The following POM121C variants were observed in gnomAD, a reference collection of about 807,000 sequenced individuals.
The protein encoded by POM121C is POM121 transmembrane nucleoporin C.
In POM121C, 20 loss-of-function variants were observed where a neutral mutation model predicts 66.4. The ratio of observed to expected loss-of-function variants is 0.30; its 90% CI spans 0.21 to 0.44. The LOEUF (loss-of-function observed/expected upper bound fraction) is 0.44, where lower values mean the gene tolerates loss of function less well. Among genes scored for constraint, POM121C ranks in the 20% least tolerant of loss-of-function variants. The probability of loss-of-function intolerance (pLI) is 1.00; values close to 1 mark genes in which losing one functional copy is unlikely to be tolerated. For missense variants in POM121C, 580 were observed against 1,225.7 expected, an observed-to-expected ratio of 0.47 and a Z score of 7.87; for synonymous variants, 286 against 528.0, an observed-to-expected ratio of 0.54 and a Z score of 6.28.
At chr7:75,432,465 C>T (rs1252453417) in intron 7 of POM121C, among the ~76,000 whole-genome samples, 10 of 152,136 alleles carry the variant, frequency 6.6e-5, no homozygotes, top group African/African-American at 2.4e-4. Context: ...CCAAAGAATG[C>T]ATACTCTATT....
At chr7:75,453,916 C>T (rs1350637867) in intron 3 of POM121C, among the ~76,000 whole-genome samples, 5 of 152,328 alleles carry the variant, frequency 3.3e-5, no homozygotes, top group South Asian at 4.1e-4. Flanking sequence ...TGTGGCCCCT[C>T]GCAGTCTCCC....
At chr7:75,448,312 C>A (rs1790898835) in intron 3 of POM121C, among the ~76,000 whole-genome samples, 1 of 151,532 alleles carries the variant, frequency 6.6e-6, no homozygotes, top group South Asian at 2.1e-4. Flanking sequence ...GTCCTTCAGG[C>A]AGAAGAAAAA....
In POM121C at chr7:75,463,718, G is replaced by C. The variant is rs1266035883; in HGVS notation, c.-152+10986C>G. ...GTCTGATTTCCTTTTTTGAGACGGA[G>C]TCTTAGCTCTGTCATCCAGACTGGA... On this transcript the variant is annotated intron_variant, in intron 3 of 14. Transcript: ENST00000615331. Among the ~76,000 whole-genome samples the C allele has an allele frequency of 3.5e-4, 54 of 152,188 alleles. 1 individual carries two copies. Among genetic ancestry groups the C allele is most frequent in the Admixed American group, 6.5e-4 (10 of 15,294 alleles).
intron 7 of POM121C, among the ~76,000 whole-genome samples, chr7:75,436,323 TAAA>T (rs1790407042): frequency 6.6e-6 from 1 of 152,124 alleles, no homozygotes; most frequent in African/African-American, 2.4e-5. Flanking sequence ...CAGTATAGGC[TAAA>T]AATGGACTTT....
chr7:75,418,749 T>G lies in POM121C; in HGVS notation c.*47A>C, dbSNP rs1236380918. ...AGGCTCTTTCTAGCACGTGCCAAGG[T>G]CCAGATTTAGGGAAGGGGTGGGGGG... On this transcript the variant is annotated 3_prime_UTR_variant, in exon 15 of 15. Coordinates refer to ENST00000615331, the MANE Select transcript of POM121C (RefSeq NM_001099415.3). 3.2e-6 allele frequency: 5 copies of G among 1,553,870 alleles called. No individual in the cohort carries two copies. In the South Asian group the frequency reaches 4.8e-5, roughly 15 times the overall value.
chr7:75,470,035 C>T (rs1286806211), intron 3 of POM121C, among the ~76,000 whole-genome samples: 2 of 152,012 alleles, frequency 1.3e-5, no homozygotes, highest in Non-Finnish European at 1.5e-5. Flanking sequence ...GGCACAATCT[C>T]GGCTCACTGC....
intron 7 of POM121C, among the ~76,000 whole-genome samples, chr7:75,428,417 T>C (rs56254422): frequency 0.013 from 2,049 of 152,260 alleles, 23 homozygotes; most frequent in Middle Eastern, 0.037. Flanking sequence ...GGATTACAGG[T>C]GTGAGCCACC....
chr7:75,472,735 G>C (rs1255447085), intron 3 of POM121C, among the ~76,000 whole-genome samples: 3 of 151,958 alleles, frequency 2.0e-5, no homozygotes, highest in Admixed American at 6.6e-5. Flanking sequence ...GAACCTGGGA[G>C]ACAGAGGCTG....
chr7:75,466,820 G>C (rs1398912218), intron 3 of POM121C, among the ~76,000 whole-genome samples: 1 of 150,898 alleles, frequency 6.6e-6, no homozygotes, highest in East Asian at 1.9e-4. Context: ...TATTAGCACA[G>C]ACCCTGCATG....
At chr7:75,479,259 C>T (rs2923682) in intron 1 of POM121C, among the ~76,000 whole-genome samples, 51 of 152,154 alleles carry the variant, frequency 3.4e-4, no homozygotes, top group East Asian at 9.6e-4. Context: ...TAGATTTACA[C>T]AAAGGAATGA....
intron 10 of POM121C, 142 bp downstream of exon 10, chr7:75,424,932 C>T: frequency 1.4e-6 from 2 of 1,474,996 alleles, no homozygotes; most frequent in Non-Finnish European, 1.8e-6. Flanking sequence ...TGAACTCCAG[C>T]CTGGGTGACA....
intron 7 of POM121C, among the ~76,000 whole-genome samples, chr7:75,427,711 T>C (rs1554471880): frequency 1.3e-5 from 2 of 152,174 alleles, no homozygotes; most frequent in Admixed American, 1.3e-4. Context: ...CCGTCTTTCC[T>C]ACTTGAAAAG....
At chr7:75,426,877 G>C (rs1331374495) in intron 7 of POM121C, among the ~76,000 whole-genome samples, 3 of 145,960 alleles carry the variant, frequency 2.1e-5, no homozygotes, top group African/African-American at 7.6e-5. Context: ...TGAAAAGAAA[G>C]TCAACTGCCA....
rs1300897072 is a variant in POM121C at position 75,482,841 on chromosome 7, G to T, written c.-458+3023C>A. Among the ~76,000 whole-genome samples, 17 of 152,248 alleles carry T rather than the reference G, an allele frequency of 1.1e-4. No individual in the cohort carries two copies. In the Middle Eastern group the frequency reaches 0.017, roughly 152 times the overall value. On this transcript the variant is annotated intron_variant, in intron 1 of 14. Coordinates refer to ENST00000615331, the MANE Select transcript of POM121C (RefSeq NM_001099415.3). ...TAACGGATGTCAAAGGCAGACAAAG[G>T]GTACTGTGAGGAAGGGGCTAGGAAA...
At position 75,468,357 on chromosome 7, in the gene POM121C, G is replaced by T. The variant is rs188184172; in HGVS notation, c.-152+6347C>A. Among the ~76,000 whole-genome samples, 338 of 120,866 alleles carry T rather than the reference G, an allele frequency of 2.8e-3. 2 individuals carry two copies. The highest frequency in any genetic ancestry group is 0.011 in the African/African-American group (324 of 30,408). 79.3% of individuals were successfully genotyped at this position (120,866 alleles called of 152,430 possible). A position where few individuals can be genotyped will look rare whatever the true frequency, so the allele number is the denominator to read the frequency against. On this transcript the variant is annotated intron_variant, in intron 3 of 14. Transcript: ENST00000615331. ...TTTTTTGAGACAGTCTCACTCTGTCGCCCAGGCTGGAGTGCAGTGGTGCAA... is the reference window on the plus strand; with the variant it reads ...TTTTTTGAGACAGTCTCACTCTGTCTCCCAGGCTGGAGTGCAGTGGTGCAA...
chr7:75,479,820 A>G (rs1792241929), intron 1 of POM121C, among the ~76,000 whole-genome samples: 2 of 152,138 alleles, frequency 1.3e-5, no homozygotes. Context: ...AACTATGACA[A>G]TTAAAGTTGC....
chr7:75,475,756 G>T (rs1443773822), intron 1 of POM121C, among the ~76,000 whole-genome samples: 1 of 151,806 alleles, frequency 6.6e-6, no homozygotes, highest in South Asian at 2.1e-4. Context: ...ATAAATATTC[G>T]TTAAATGAAT....
Position 75,419,748 on chromosome 7 carries a change from C to T in POM121C, c.2744-306G>A, listed in dbSNP as rs376115409. The T allele has an allele frequency of 2.5e-3, 894 of 364,072 alleles. 6 individuals carry two copies. Among genetic ancestry groups the T allele is most frequent in the African/African-American group, 0.017 (767 of 45,820 alleles). The allele number at this position is 364,072 out of a possible 1,614,324, so 22.6% of individuals were successfully genotyped here. A position where few individuals can be genotyped will look rare whatever the true frequency, so the allele number is the denominator to read the frequency against. ...GAGGGGAGTACTCTGGGGCCCCCGCCTCCTAGCGTACCTGGGTTGGCTACC... is the reference window on the plus strand; with the variant it reads ...GAGGGGAGTACTCTGGGGCCCCCGCTTCCTAGCGTACCTGGGTTGGCTACC... On this transcript the variant is annotated intron_variant, in intron 13 of 14. Transcript: ENST00000615331.
At position 75,474,840 on chromosome 7, in the gene POM121C, G is replaced by A. The variant is rs1554479146; in HGVS notation, c.-288C>T. On this transcript the variant is annotated 5_prime_UTR_variant, in exon 3 of 15. Coordinates refer to ENST00000615331, the MANE Select transcript of POM121C (RefSeq NM_001099415.3). ...GAAGAAGGACTTGGGCAAGTTGCTC[G>A]GCTTCAGAATCTCCGAAGTACAAGA... 1.7e-5 allele frequency: 22 copies of A among 1,300,472 alleles called. No homozygotes were observed. The highest frequency in any genetic ancestry group is 3.8e-5 in the South Asian group (3 of 79,074). The allele number at this position is 1,300,472 out of a possible 1,614,324, so 80.6% of individuals were successfully genotyped here. A position where few individuals can be genotyped will look rare whatever the true frequency, so the allele number is the denominator to read the frequency against.
Sources: allele counts gnomAD v4.1 joint callset (sites outside exome capture counted in the v4.1 genomes callset), GRCh38; gene constraint gnomAD v4.1.1; transcripts MANE v1.5; gene names NCBI Gene and HGNC (gene_info 2026-07-23, HGNC 2026-07-21).